Variants in CDH8 observed in about 807,000 individuals in gnomAD.
CDH8 encodes cadherin 8.
CDH8 carries 17 observed loss-of-function variants against 68.1 expected under a neutral mutation model. That is an observed-to-expected ratio of 0.25 (90% confidence interval 0.17 to 0.37). The LOEUF (loss-of-function observed/expected upper bound fraction) is 0.37, where lower values mean the gene tolerates loss of function less well. Among genes scored for constraint, CDH8 ranks in the 10% least tolerant of loss-of-function variants. The probability of loss-of-function intolerance (pLI) is 1.00; values close to 1 mark genes in which losing one functional copy is unlikely to be tolerated. For missense variants in CDH8, 763 were observed against 999.3 expected, an observed-to-expected ratio of 0.76 and a Z score of 3.19; for synonymous variants, 372 against 365.1, an observed-to-expected ratio of 1.02 and a Z score of -0.21.
At chr16:62,013,502 T>C (rs1216372743) in intron 2 of CDH8, among the ~76,000 whole-genome samples, 1 of 152,216 alleles carries the variant, frequency 6.6e-6, no homozygotes, top group Non-Finnish European at 1.5e-5. Flanking sequence ...TGTTTAAATG[T>C]ATTTTTTCAT....
intron 3 of CDH8, among the ~76,000 whole-genome samples, chr16:61,875,849 C>T (rs1386300336): frequency 6.6e-6 from 1 of 152,092 alleles, no homozygotes; most frequent in Non-Finnish European, 1.5e-5. Context: ...GCTATTGTGA[C>T]CAAAATAGTT....
chr16:61,995,242 TAAA>T (rs1411603153), intron 2 of CDH8, among the ~76,000 whole-genome samples: 1 of 152,096 alleles, frequency 6.6e-6, no homozygotes, highest in Non-Finnish European at 1.5e-5. Context: ...AAAGCTATAA[TAAA>T]GAAGGAAGGA....
chr16:61,980,763 C>T (rs1965517666), intron 2 of CDH8, among the ~76,000 whole-genome samples: 1 of 152,134 alleles, frequency 6.6e-6, no homozygotes, highest in Non-Finnish European at 1.5e-5. Flanking sequence ...CTTCTGAACT[C>T]CTGGCTTAGA....
intron 2 of CDH8, among the ~76,000 whole-genome samples, chr16:61,960,314 T>C (rs1407235341): frequency 1.0e-5 from 1 of 96,072 alleles, no homozygotes; most frequent in Non-Finnish European, 1.9e-5. Context: ...TATACACACA[T>C]ATATACGTGT....
chr16:61,782,620 T>A (rs1238001755), intron 8 of CDH8, among the ~76,000 whole-genome samples: 1 of 151,484 alleles, frequency 6.6e-6, no homozygotes, highest in African/African-American at 2.4e-5. Flanking sequence ...CTCTGTAGGC[T>A]CCACCTCTGG....
chr16:62,017,810 TC>T (rs1901977395), intron 2 of CDH8, among the ~76,000 whole-genome samples: 1 of 152,060 alleles, frequency 6.6e-6, no homozygotes, highest in African/African-American at 2.4e-5. Context: ...TTGCATAAAC[TC>T]CTCTATCTTG....
chr16:61,927,720 G>A (rs1390835364), intron 2 of CDH8, among the ~76,000 whole-genome samples: 3 of 152,310 alleles, frequency 2.0e-5, no homozygotes, highest in Admixed American at 2.0e-4. Flanking sequence ...GTCAAACTCT[G>A]TGCCAGGGGC....
chr16:61,671,217 C>T (rs1963786464), intron 10 of CDH8, among the ~76,000 whole-genome samples: 1 of 151,812 alleles, frequency 6.6e-6, no homozygotes, highest in Non-Finnish European at 1.5e-5. Context: ...GGGGATGGGC[C>T]CTGGGTATCT....
chr16:61,957,094 CA>C (rs1965000531), intron 2 of CDH8, among the ~76,000 whole-genome samples: 1 of 152,042 alleles, frequency 6.6e-6, no homozygotes, highest in Admixed American at 6.6e-5. Flanking sequence ...GTTATATATT[CA>C]AAATTAGGTT....
intron 8 of CDH8, among the ~76,000 whole-genome samples, chr16:61,783,538 C>T (rs1047855171): frequency 1.9e-4 from 29 of 151,514 alleles, no homozygotes; most frequent in Middle Eastern, 3.4e-3. Flanking sequence ...GGAGAACTTC[C>T]GCAATCTAGC....
rs537431356 is a variant in CDH8 at position 61,649,909 on chromosome 16, C to G, written c.*3699G>C. ...TTCTAAGTCTCATGCAGAGACTTGTCTTACTTTAAGCATCTGATTAAGCAG... is the reference window on the plus strand; with the variant it reads ...TTCTAAGTCTCATGCAGAGACTTGTGTTACTTTAAGCATCTGATTAAGCAG... On this transcript the variant is annotated 3_prime_UTR_variant, in exon 12 of 12. Transcript: ENST00000577390. 7 of 152,088 alleles carry G rather than the reference C, an allele frequency of 4.6e-5. No homozygotes were observed. The highest frequency in any genetic ancestry group is 9.7e-5 in the African/African-American group (4 of 41,434). The allele number at this position is 152,088 out of a possible 1,614,324, so 9.4% of individuals were successfully genotyped here.
At chr16:61,670,878 A>G (rs1218453029) in intron 10 of CDH8, among the ~76,000 whole-genome samples, 3 of 152,046 alleles carry the variant, frequency 2.0e-5, no homozygotes, top group Non-Finnish European at 4.4e-5. Flanking sequence ...GCTGCATGAG[A>G]TTTTATCACA....
chr16:61,974,360 G>A (rs1965400341), intron 2 of CDH8, among the ~76,000 whole-genome samples: 1 of 152,168 alleles, frequency 6.6e-6, no homozygotes, highest in Non-Finnish European at 1.5e-5. Flanking sequence ...TCAGGGAAGA[G>A]GGGTTTGAAT....
chr16:61,847,206 T>C (rs1178216906), intron 4 of CDH8, among the ~76,000 whole-genome samples: 2 of 151,882 alleles, frequency 1.3e-5, no homozygotes, highest in Non-Finnish European at 2.9e-5. Context: ...ACAACTATCA[T>C]GAGATGGGCC....
chr16:61,903,379 A>C (rs1272931988), intron 2 of CDH8, among the ~76,000 whole-genome samples: 1 of 152,210 alleles, frequency 6.6e-6, no homozygotes, highest in Non-Finnish European at 1.5e-5. Context: ...GCTGGAGTGC[A>C]GTGACGCGAT....
At chr16:61,915,320 A>G (rs1964221318) in intron 2 of CDH8, among the ~76,000 whole-genome samples, 1 of 152,146 alleles carries the variant, frequency 6.6e-6, no homozygotes, top group Admixed American at 6.5e-5. Context: ...CCTATCCTAG[A>G]TATATTATAT....
At chr16:61,979,105 G>A (rs1266552376) in intron 2 of CDH8, among the ~76,000 whole-genome samples, 1 of 150,810 alleles carries the variant, frequency 6.6e-6, no homozygotes, top group African/African-American at 2.4e-5. Context: ...CAAAGCCAGA[G>A]CCAGAAACAA....
At chr16:61,982,455 G>A (rs2150583539) in intron 2 of CDH8, among the ~76,000 whole-genome samples, 1 of 152,222 alleles carries the variant, frequency 6.6e-6, no homozygotes, top group Admixed American at 6.5e-5. Context: ...TCCTGACCTC[G>A]TGATCCGCCC....
intron 2 of CDH8, among the ~76,000 whole-genome samples, chr16:61,962,975 G>A (rs1181459555): frequency 2.0e-5 from 3 of 152,032 alleles, no homozygotes; most frequent in Non-Finnish European, 4.4e-5. Context: ...CATCAATGTT[G>A]TATTTTTAAT....
Sources: allele counts gnomAD v4.1 joint callset (sites outside exome capture counted in the v4.1 genomes callset), GRCh38; gene constraint gnomAD v4.1.1; transcripts MANE v1.5; gene names NCBI Gene and HGNC (gene_info 2026-07-23, HGNC 2026-07-21).